The following CNTLN variants were observed in gnomAD, a reference collection of about 807,000 sequenced individuals.
The protein encoded by CNTLN is centlein.
In CNTLN, 212 loss-of-function variants were observed where a neutral mutation model predicts 180.0. The observed-to-expected ratio is 1.18, with a 90% confidence interval of 1.05 to 1.32. The LOEUF is 1.32. Ranked by LOEUF, CNTLN falls within the 40% of genes most tolerant of loss-of-function variation. CNTLN has a pLI of 0.00. For missense variants in CNTLN, 2,095 were observed against 1,610.9 expected (o/e 1.30, Z -5.14); for synonymous variants, 722 against 563.1 (o/e 1.28, Z -3.99).
intron 2 of CNTLN, among the ~76,000 whole-genome samples, chr9:17,171,769 G>A (rs1468610486): frequency 1.3e-5 from 2 of 152,066 alleles, no homozygotes; most frequent in African/African-American, 4.8e-5. Context: ...GTACAGTATG[G>A]GTGCTCGTGG....
At chr9:17,277,896 A>G in intron 6 of CNTLN, among the ~76,000 whole-genome samples, 1 of 152,260 alleles carries the variant, frequency 6.6e-6, no homozygotes, top group African/African-American at 2.4e-5. Context: ...TGGAAGACTC[A>G]CTATCATAAA....
At chr9:17,201,312 C>G (rs193052158) in intron 2 of CNTLN, among the ~76,000 whole-genome samples, 1 of 152,166 alleles carries the variant, frequency 6.6e-6, no homozygotes, top group Admixed American at 6.5e-5. Context: ...TGTTGTGTCT[C>G]TGCCAGGTTT....
chr9:17,192,211 G>T (rs1226748734), intron 2 of CNTLN, among the ~76,000 whole-genome samples: 1 of 151,048 alleles, frequency 6.6e-6, no homozygotes, highest in Non-Finnish European at 1.5e-5. Context: ...CTGAATTCTT[G>T]CAGTAGCCCT....
chr9:17,446,994 T>C (rs1830474557), intron 18 of CNTLN, among the ~76,000 whole-genome samples: 1 of 152,202 alleles, frequency 6.6e-6, no homozygotes, highest in Admixed American at 6.5e-5. Context: ...TATGGCCTCT[T>C]TTCATGTGTA....
rs763430410 is a variant in CNTLN at position 17,394,866 on chromosome 9, A to C, written c.2412A>C (p.Arg804Ser). 2 of 1,614,088 alleles carry C rather than the reference A, an allele frequency of 1.2e-6. No individual in the cohort carries two copies. The highest frequency in any genetic ancestry group is 8.5e-7 in the Non-Finnish European group (1 of 1,179,970). ...PMEKSHQSAD[R>S]AKSEMATMKV... The stretch of plus-strand genomic sequence containing the variant: ...AGAAATCACACCAGTCAGCAGACAG[A>C]GCTAAATCCGAGATGGCCACCATGA... The change falls in exon 15 of 26, where the codon AGA (arginine) becomes AGC (serine). Residue 804 changes from arginine (R) to serine (S), a missense_variant. Arg to Ser is a moderately radical substitution (Grantham distance 110). Coordinates refer to ENST00000380647, the MANE Select transcript of CNTLN (RefSeq NM_017738.4).
chr9:17,508,491 A>C (rs1440814392), downstream of CNTLN, among the ~76,000 whole-genome samples: 2 of 152,198 alleles, frequency 1.3e-5, no homozygotes, highest in African/African-American at 4.8e-5. Context: ...TATAGATTAT[A>C]CAAGCATTAC....
intron 6 of CNTLN, among the ~76,000 whole-genome samples, chr9:17,290,979 CA>C (rs770446225): frequency 1.3e-5 from 2 of 152,124 alleles, no homozygotes; most frequent in Non-Finnish European, 2.9e-5. Flanking sequence ...CTGTGTCGCT[CA>C]TGCTGGGAGC....
intron 7 of CNTLN, chr9:17,300,747 A>G (rs528589919): frequency 1.3e-5 from 2 of 154,582 alleles, no homozygotes; most frequent in East Asian, 3.9e-4. Flanking sequence ...GGGACTCTAC[A>G]TGTTCCGACT....
At chr9:17,328,766 A>G (rs182013724) in intron 8 of CNTLN, among the ~76,000 whole-genome samples, 1 of 152,190 alleles carries the variant, frequency 6.6e-6, no homozygotes, top group East Asian at 1.9e-4. Flanking sequence ...ATTTATCTGC[A>G]TTATCTTCCT....
rs1818228924 is a variant in CNTLN, at chr9:17,143,278, T to G, written c.361-10T>G. The G allele has an allele frequency of 6.3e-7, 1 of 1,597,840 alleles. No homozygotes were observed. Among genetic ancestry groups the G allele is most frequent in the Non-Finnish European group, 8.6e-7 (1 of 1,169,206 alleles). ...AGCAATGCATCTAAATTCTCTTTTA[T>G]TTCTTTAAGGCTGATAAAGAATTTG... On this transcript the variant is annotated splice_polypyrimidine_tract_variant and intron_variant, in intron 1 of 25. Transcript: ENST00000380647.
intron 9 of CNTLN, 59 bp downstream of exon 9, chr9:17,330,867 G>A: frequency 6.8e-7 from 1 of 1,477,086 alleles, no homozygotes; most frequent in Non-Finnish European, 9.1e-7. Flanking sequence ...GACAAGAGAT[G>A]AAGTTAAAAA....
At chr9:17,413,828 T>C (rs566964287) in intron 16 of CNTLN, among the ~76,000 whole-genome samples, 2 of 152,228 alleles carry the variant, frequency 1.3e-5, no homozygotes, top group Non-Finnish European at 1.5e-5. Context: ...AAAACTAAAC[T>C]TACCATACAA....
chr9:17,520,591 T>A, the CNTLN span, among the ~76,000 whole-genome samples: 1,942 of 152,318 alleles, frequency 0.013, 30 homozygotes, highest in African/African-American at 0.044. Context: ...ACTGCTCAGA[T>A]GACCAAATGC....
chr9:17,415,379 A>G (rs1268402090), intron 16 of CNTLN, among the ~76,000 whole-genome samples: 1 of 152,098 alleles, frequency 6.6e-6, no homozygotes, highest in African/African-American at 2.4e-5. Context: ...TTCACATTTT[A>G]CTTTTGTTAC....
intron 18 of CNTLN, among the ~76,000 whole-genome samples, chr9:17,442,865 A>G (rs888182434): frequency 6.6e-6 from 1 of 152,220 alleles, no homozygotes; most frequent in Non-Finnish European, 1.5e-5. Context: ...AAAATTTGTT[A>G]AGAAAGTAGA....
chr9:17,232,021 G>C (rs1304007778), intron 3 of CNTLN, among the ~76,000 whole-genome samples: 1 of 151,922 alleles, frequency 6.6e-6, no homozygotes, highest in Non-Finnish European at 1.5e-5. Flanking sequence ...ATTAACTCAA[G>C]CCAGGCTATT....
intron 8 of CNTLN, among the ~76,000 whole-genome samples, chr9:17,312,475 C>T (rs1297176150): frequency 6.7e-6 from 1 of 150,136 alleles, no homozygotes; most frequent in Non-Finnish European, 1.5e-5. Flanking sequence ...CAAGCTCCGC[C>T]TCCTGGGCTC....
At chr9:17,377,986 T>C (rs1445401029) in intron 13 of CNTLN, among the ~76,000 whole-genome samples, 1 of 152,260 alleles carries the variant, frequency 6.6e-6, no homozygotes, top group African/African-American at 2.4e-5. Flanking sequence ...GATTTCTCTT[T>C]TGCATATATT....
intron 1 of CNTLN, among the ~76,000 whole-genome samples, chr9:17,135,983 T>TATTA (rs1817689195): frequency 6.6e-6 from 1 of 151,846 alleles, no homozygotes; most frequent in Non-Finnish European, 1.5e-5. Context: ...GGTACTTGTT[T>TATTA]ATTAACCAGC....
Sources: allele counts gnomAD v4.1 joint callset (sites outside exome capture counted in the v4.1 genomes callset), GRCh38; gene constraint gnomAD v4.1.1; transcripts MANE v1.5; gene names NCBI Gene and HGNC (gene_info 2026-07-23, HGNC 2026-07-21).